PTK2B: variants seen among roughly 807,000 people sequenced by gnomAD.
PTK2B encodes the protein protein tyrosine kinase 2 beta.
In PTK2B, 71 loss-of-function variants were observed where a neutral mutation model predicts 142.9. That is an observed-to-expected ratio of 0.50 (90% CI 0.41 to 0.61). The LOEUF (loss-of-function observed/expected upper bound fraction) is 0.61. Ranked by LOEUF, PTK2B falls within the 20% of genes least tolerant of loss-of-function variation. The pLI is 0.00. For missense variants in PTK2B, 1,105 were observed against 1,320.4 expected (o/e 0.84, Z 2.53); for synonymous variants, 519 against 503.4 (o/e 1.03, Z -0.42).
chr8:27,434,469 C>G, intron 12 of PTK2B, 44 bp from the exon 13 acceptor site: 1 of 1,582,118 alleles, frequency 6.3e-7, no homozygotes, highest in African/African-American at 1.3e-5. Flanking sequence ...GGAACATTAC[C>G]GGCCTCTGAG....
chr8:27,394,063 G>A (rs1807890916), intron 1 of PTK2B, among the ~76,000 whole-genome samples: 1 of 152,122 alleles, frequency 6.6e-6, no homozygotes, highest in East Asian at 1.9e-4. Context: ...CTACACACCT[G>A]GACTATTGCT....
At chr8:27,403,830 T>TTCTTCTTTCTTCTC (rs1808530121) in intron 2 of PTK2B, among the ~76,000 whole-genome samples, 1 of 151,922 alleles carries the variant, frequency 6.6e-6, no homozygotes, top group African/African-American at 2.4e-5. Context: ...TCTTTCTTTT[T>TTCTTCTTTCTTCTC]TCTTCTTTCT....
At chr8:27,334,309 T>G (rs535101270) in intron 1 of PTK2B, among the ~76,000 whole-genome samples, 1 of 152,294 alleles carries the variant, frequency 6.6e-6, no homozygotes, top group African/African-American at 2.4e-5. Context: ...AATCCAACCT[T>G]GATCTGCTCT....
Position 27,430,966 on chromosome 8 carries a change from C to A in PTK2B, c.760C>A (p.Leu254Ile). ...GTGCGTCATGAAGTTCTTCAACACT[C>A]TCGCCGGCTTCGCCAACATCGACCA... Reference protein sequence around the residue: ...EECVMKFFNTLAGFANIDQET... With the variant: ...EECVMKFFNTIAGFANIDQET... Residue 254 changes from leucine to isoleucine, a missense_variant, in exon 8 of 31, where the codon CTC becomes ATC. Leu to Ile is a conservative substitution (Grantham distance 5). Coordinates refer to ENST00000346049, the MANE Select transcript of PTK2B (RefSeq NM_173176.3). 2.5e-6 allele frequency: 4 copies of A among 1,614,206 alleles called. No homozygotes were observed. Among genetic ancestry groups the A allele is most frequent in the Non-Finnish European group, 3.4e-6 (4 of 1,180,036 alleles).
intron 1 of PTK2B, among the ~76,000 whole-genome samples, chr8:27,385,998 A>G (rs569353696): frequency 1.3e-4 from 20 of 152,290 alleles, no homozygotes; most frequent in Non-Finnish European, 2.6e-4. Flanking sequence ...CACATTTCTA[A>G]AATATATTTA....
chr8:27,378,696 A>G (rs1806827832), intron 1 of PTK2B, among the ~76,000 whole-genome samples: 1 of 151,378 alleles, frequency 6.6e-6, no homozygotes, highest in African/African-American at 2.4e-5. Flanking sequence ...AGAAAAGTAG[A>G]ACTTGGTTCC....
chr8:27,418,608 A>G (rs1453019710), intron 2 of PTK2B, among the ~76,000 whole-genome samples: 1 of 152,224 alleles, frequency 6.6e-6, no homozygotes, highest in Non-Finnish European at 1.5e-5. Context: ...CATTGCAGAC[A>G]TATCCAACAG....
At position 27,350,646 on chromosome 8, in the gene PTK2B, C is replaced by G. The variant is rs190876854; in HGVS notation, c.-38+24965C>G. On this transcript the variant is annotated intron_variant, in intron 1 of 30. Coordinates refer to ENST00000346049, the MANE Select transcript of PTK2B (RefSeq NM_173176.3). ...CAAGAGGTCGGACATAACACAAGTGCGAACTGTTAACCCCAGTTGTAACTA... is the reference window on the plus strand; with the variant it reads ...CAAGAGGTCGGACATAACACAAGTGGGAACTGTTAACCCCAGTTGTAACTA... Among the ~76,000 whole-genome samples the G allele has an allele frequency of 3.3e-5, 5 of 152,058 alleles. 1 individual carries two copies. In the East Asian group the frequency reaches 9.7e-4, roughly 29 times the overall value.
intron 30 of PTK2B, among the ~76,000 whole-genome samples, chr8:27,456,468 T>C (rs565523944): frequency 2.0e-5 from 3 of 152,206 alleles, no homozygotes; most frequent in Non-Finnish European, 4.4e-5. Flanking sequence ...GACTTATCAA[T>C]AAATGTTGTG....
At chr8:27,431,311 G>C in intron 8 of PTK2B, 87 bp from the exon 9 acceptor site, 1 of 1,592,210 alleles carries the variant, frequency 6.3e-7, no homozygotes, top group South Asian at 1.1e-5. Context: ...ACAGTGGCTT[G>C]TGTCTAGCTT....
At chr8:27,392,156 A>G (rs1299484120) in intron 1 of PTK2B, among the ~76,000 whole-genome samples, 1 of 152,210 alleles carries the variant, frequency 6.6e-6, no homozygotes, top group Non-Finnish European at 1.5e-5. Flanking sequence ...TAGAGGCGTG[A>G]ACAAGTTCTA....
chr8:27,432,912 C>T (rs1586312149), intron 10 of PTK2B, among the ~76,000 whole-genome samples: 1 of 152,208 alleles, frequency 6.6e-6, no homozygotes, highest in East Asian at 1.9e-4. Context: ...CTGTAACCTC[C>T]ACCTCCACAG....
At chr8:27,381,539 C>G (rs1807021826) in intron 1 of PTK2B, among the ~76,000 whole-genome samples, 1 of 152,228 alleles carries the variant, frequency 6.6e-6, no homozygotes, top group Non-Finnish European at 1.5e-5. Flanking sequence ...GGCTAAATAG[C>G]ACTCCATCTG....
intron 2 of PTK2B, among the ~76,000 whole-genome samples, chr8:27,403,204 T>A (rs1303197454): frequency 6.6e-6 from 1 of 152,200 alleles, no homozygotes; most frequent in Non-Finnish European, 1.5e-5. Flanking sequence ...CTGCCAGCCC[T>A]TTCAAATTTG....
At chr8:27,378,987 T>C (rs1194232963) in intron 1 of PTK2B, among the ~76,000 whole-genome samples, 1 of 152,090 alleles carries the variant, frequency 6.6e-6, no homozygotes, top group Non-Finnish European at 1.5e-5. Flanking sequence ...TAGACTCACA[T>C]CCGACACGGG....
intron 1 of PTK2B, among the ~76,000 whole-genome samples, chr8:27,342,643 C>G (rs1278678458): frequency 6.6e-6 from 1 of 152,202 alleles, no homozygotes; most frequent in Non-Finnish European, 1.5e-5. Flanking sequence ...CCCCCTGTGT[C>G]ACCTCTGCCA....
At chr8:27,412,023 G>A (rs1181307683) in intron 2 of PTK2B, among the ~76,000 whole-genome samples, 2 of 152,216 alleles carry the variant, frequency 1.3e-5, no homozygotes, top group Admixed American at 1.3e-4. Flanking sequence ...ACAGGTCTGA[G>A]GGACCCCAAA....
At chr8:27,451,214 G>A in intron 26 of PTK2B, 136 bp downstream of exon 26, 2 of 1,141,064 alleles carry the variant, frequency 1.8e-6, no homozygotes, top group South Asian at 1.4e-5. Context: ...TGTTGGGAGG[G>A]TGTCTTTTCC....
At chr8:27,317,579 T>G (rs1447103260) in intron 3 of PTK2B, among the ~76,000 whole-genome samples, 1 of 152,254 alleles carries the variant, frequency 6.6e-6, no homozygotes, top group Non-Finnish European at 1.5e-5. Flanking sequence ...TTTTCTTAAC[T>G]TCCTTTGCAG....
Sources: gnomAD v4.1 joint callset for allele counts (sites outside exome capture counted in the v4.1 genomes callset) on GRCh38, gnomAD v4.1.1 for gene constraint, MANE v1.5 for transcripts, NCBI Gene and HGNC (gene_info 2026-07-23, HGNC 2026-07-21) for gene names.